ZUP1: variants seen among roughly 807,000 people sequenced by gnomAD.
ZUP1 encodes zinc finger-containing ubiquitin peptidase 1.
ZUP1 carries 55 observed loss-of-function variants against 68.1 expected under a neutral mutation model. The ratio of observed to expected loss-of-function variants is 0.81; its 90% confidence interval spans 0.65 to 1.01. The LOEUF is 1.01. Among genes scored for constraint, ZUP1 ranks in the 50% least tolerant of loss-of-function variants. ZUP1 has a pLI of 0.00. For synonymous variants in ZUP1, 223 were observed against 221.5 expected, an observed-to-expected ratio of 1.01 and a Z score of -0.06; for missense variants, 684 against 674.9, an observed-to-expected ratio of 1.01 and a Z score of -0.15.
At position 116,667,101 on chromosome 6, in the gene ZUP1, CA is replaced by C; in HGVS notation, c.91del (p.Cys31ValfsTer9). 1.2e-6 allele frequency: 2 copies of C among 1,613,608 alleles called. No homozygotes were observed. The highest frequency in any genetic ancestry group is 2.2e-5 in the South Asian group (2 of 91,012). On this transcript the variant is annotated frameshift_variant, in exon 2 of 10. Transcript: ENST00000368576. LOFTEE classifies it high-confidence loss of function. Reference sequence around the variant, plus strand: ...CACACCTGACAACTTGCAAAATGGACATATAATTTCACTTTCCATGTGAACA... The same window carrying C: ...CACACCTGACAACTTGCAAAATGGACTATAATTTCACTTTCCATGTGAACA... ...LIVHMESEII[C>X]PFCKLSGVNY...
At chr6:116,638,230 A>C (rs1775963452) in intron 9 of ZUP1, among the ~76,000 whole-genome samples, 1 of 152,154 alleles carries the variant, frequency 6.6e-6, no homozygotes, top group African/African-American at 2.4e-5. Flanking sequence ...CTTTAGAGGG[A>C]AATAAATCAA....
chr6:116,645,526 A>C (rs1460432105), intron 9 of ZUP1, among the ~76,000 whole-genome samples, 188 bp downstream of exon 9: 1 of 146,938 alleles, frequency 6.8e-6, no homozygotes, highest in South Asian at 2.2e-4. Context: ...GGCTGTAGTG[A>C]GTCATGATTG....
rs1404527127 is a variant in ZUP1, at chr6:116,647,533, T to A, written c.1394A>T (p.Tyr465Phe). The A allele has an allele frequency of 2.5e-6, 4 of 1,602,858 alleles. No homozygotes were observed. Among genetic ancestry groups the A allele is most frequent in the Middle Eastern group, 1.7e-4 (1 of 6,030 alleles). ...ACTCCCTTCTCCCTCTGAAGAATAA[T>A]AGTTCAATATCCATTCAAATAAGCG... ...HPRLFEWILN[Y>F]YSSEGEGSPK... The change falls in exon 8 of 10, where the codon TAT (tyrosine) becomes TTT (phenylalanine). Residue 465 changes from tyrosine (Y) to phenylalanine (F), a missense_variant. Coordinates refer to ENST00000368576, the MANE Select transcript of ZUP1 (RefSeq NM_145062.3).
chr6:116,645,537 C>T (rs2115388574), intron 9 of ZUP1, among the ~76,000 whole-genome samples, 177 bp downstream of exon 9: 1 of 140,924 alleles, frequency 7.1e-6, no homozygotes. Context: ...GTCATGATTG[C>T]ATGCCACTGC....
At chr6:116,639,465 A>G (rs1478177976) in intron 9 of ZUP1, among the ~76,000 whole-genome samples, 1 of 152,160 alleles carries the variant, frequency 6.6e-6, no homozygotes, top group Non-Finnish European at 1.5e-5. Context: ...GACACCTCAC[A>G]CGGCCGGGTA....
intron 9 of ZUP1, among the ~76,000 whole-genome samples, chr6:116,642,966 G>C (rs1244435821): frequency 6.6e-6 from 1 of 152,182 alleles, no homozygotes; most frequent in African/African-American, 2.4e-5. Context: ...ATCTCCTTAA[G>C]TTGATAAGCA....
chr6:116,638,913 C>A (rs915017585), intron 9 of ZUP1, among the ~76,000 whole-genome samples: 24 of 152,354 alleles, frequency 1.6e-4, no homozygotes, highest in African/African-American at 5.0e-4. Flanking sequence ...CGCAAGGGGT[C>A]AGGGAGTCCC....
chr6:116,647,643 G>A (rs781150556), intron 7 of ZUP1, 33 bp from the exon 8 acceptor site: 7 of 1,429,466 alleles, frequency 4.9e-6, no homozygotes, highest in East Asian at 2.5e-5. Context: ...ACATTTAAAG[G>A]GCATTTTAAA....
At chr6:116,652,241 C>T (rs1776530840) in intron 5 of ZUP1, 49 bp from the exon 6 acceptor site, 3 of 1,426,884 alleles carry the variant, frequency 2.1e-6, no homozygotes, top group Admixed American at 2.1e-5. Flanking sequence ...CTTTATATTG[C>T]TATCTCATAC....
rs770397465 is a variant in ZUP1 at position 116,667,220 on chromosome 6, A to T, written c.-15-13T>A. On this transcript the variant is annotated splice_polypyrimidine_tract_variant and intron_variant, in intron 1 of 9. Transcript: ENST00000368576. ...TATTGACAAGTAGCTAGAAAAGAAC[A>T]TAACATTAGGTTTCAAAGATTTGAA... 52 of 1,467,940 alleles carry T rather than the reference A, an allele frequency of 3.5e-5. No homozygotes were observed. In the South Asian group the frequency reaches 7.6e-4, roughly 21 times the overall value. 90.9% of individuals were successfully genotyped at this position (1,467,940 alleles called of 1,614,324 possible). A position where few individuals can be genotyped will look rare whatever the true frequency, so the allele number is the denominator to read the frequency against.
intron 7 of ZUP1, among the ~76,000 whole-genome samples, chr6:116,650,960 A>T (rs1776471894): frequency 6.6e-6 from 1 of 152,118 alleles, no homozygotes; most frequent in Non-Finnish European, 1.5e-5. Flanking sequence ...GCTACATGAC[A>T]ATAGCTGTAG....
chr6:116,648,625 A>T (rs1229944143), intron 7 of ZUP1, among the ~76,000 whole-genome samples: 1 of 152,192 alleles, frequency 6.6e-6, no homozygotes, highest in African/African-American at 2.4e-5. Flanking sequence ...ATATATTAAT[A>T]AAAAAGCTTT....
At chr6:116,645,965 T>A in intron 8 of ZUP1, 31 bp from the exon 9 acceptor site, 1 of 1,467,596 alleles carries the variant, frequency 6.8e-7, no homozygotes, top group Non-Finnish European at 9.5e-7. Flanking sequence ...TATACATACG[T>A]CACATCTATT....
At chr6:116,639,797 G>A (rs1312442305) in intron 9 of ZUP1, among the ~76,000 whole-genome samples, 1 of 152,210 alleles carries the variant, frequency 6.6e-6, no homozygotes, top group Non-Finnish European at 1.5e-5. Context: ...TCCTCCAAAG[G>A]AACGCAGTTC....
In ZUP1 at chr6:116,645,234, C is replaced by G. The variant is rs111377869; in HGVS notation, c.1689+480G>C. 6.6e-5 allele frequency among the ~76,000 whole-genome samples: 10 copies of G among 152,054 alleles called. 1 individual carries two copies. The highest frequency in any genetic ancestry group is 2.2e-4 in the African/African-American group (9 of 41,502). On this transcript the variant is annotated intron_variant, in intron 9 of 9. Coordinates refer to ENST00000368576, the MANE Select transcript of ZUP1 (RefSeq NM_145062.3). ...ATATGTTCATTCCAGAAATTAAAAACATATAAAACCAAATGGCTTTTCCAA... is the reference window on the plus strand; with the variant it reads ...ATATGTTCATTCCAGAAATTAAAAAGATATAAAACCAAATGGCTTTTCCAA...
At chr6:116,638,383 T>G (rs1488107159) in intron 9 of ZUP1, among the ~76,000 whole-genome samples, 1 of 152,110 alleles carries the variant, frequency 6.6e-6, no homozygotes, top group East Asian at 1.9e-4. Context: ...CGTTCCCCCC[T>G]GATGGTGTAG....
At position 116,666,965 on chromosome 6, in the gene ZUP1, CTTG is replaced by C; in HGVS notation, c.225_227del (p.Asn75del). 1 of 1,613,374 alleles carries C rather than the reference CTTG, an allele frequency of 6.2e-7. No homozygotes were observed. ...TTCCACACTGTAGGGTGTTGTCTTT[CTTG>C]TTATCTGAAGTTCCATATTGTACTG... is the stretch of plus-strand genomic sequence containing the variant. On this transcript the variant is annotated inframe_deletion, in exon 2 of 10. Coordinates refer to ENST00000368576, the MANE Select transcript of ZUP1 (RefSeq NM_145062.3).
At chr6:116,648,270 C>T (rs1332140164) in intron 7 of ZUP1, among the ~76,000 whole-genome samples, 1 of 152,186 alleles carries the variant, frequency 6.6e-6, no homozygotes, top group Non-Finnish European at 1.5e-5. Context: ...TACTACTCAA[C>T]AACTGTTTTT....
intron 2 of ZUP1, among the ~76,000 whole-genome samples, chr6:116,661,294 A>G (rs937735729): frequency 2.6e-5 from 4 of 151,878 alleles, no homozygotes; most frequent in Non-Finnish European, 4.4e-5. Flanking sequence ...CTATTTTTCT[A>G]CTTCTAGGGT....
Sources: gnomAD v4.1 joint callset for allele counts (sites outside exome capture counted in the v4.1 genomes callset) on GRCh38, gnomAD v4.1.1 for gene constraint, MANE v1.5 for transcripts, NCBI Gene and HGNC (gene_info 2026-07-23, HGNC 2026-07-21) for gene names.